The following ST18 variants were observed in gnomAD, a reference collection of about 807,000 sequenced individuals.
The protein encoded by ST18 is suppression of tumorigenicity 18 protein.
ST18 carries 50 observed loss-of-function variants against 110.0 expected under a neutral mutation model. The ratio of observed to expected loss-of-function variants is 0.45; its 90% confidence interval spans 0.36 to 0.58. ST18 has a LOEUF of 0.58. ST18 is among the 20% of genes least tolerant of loss of function. ST18 has a pLI of 0.00. For missense variants in ST18, 1,306 were observed against 1,280.1 expected (o/e 1.02, Z -0.31); for synonymous variants, 461 against 452.4 (o/e 1.02, Z -0.24).
At chr8:52,242,691 G>C (rs1189033072) in intron 2 of ST18, among the ~76,000 whole-genome samples, 5 of 152,068 alleles carry the variant, frequency 3.3e-5, no homozygotes, top group East Asian at 1.9e-4. Context: ...TAGAGGTTTA[G>C]TAGAAACCTC....
intron 2 of ST18, among the ~76,000 whole-genome samples, chr8:52,288,241 G>A (rs770310625): frequency 6.6e-6 from 1 of 152,184 alleles, no homozygotes; most frequent in East Asian, 1.9e-4. Flanking sequence ...GATGTGCTGG[G>A]TGGGAATGCT....
intron 2 of ST18, among the ~76,000 whole-genome samples, chr8:52,242,045 T>G (rs962733189): frequency 2.0e-5 from 3 of 152,232 alleles, no homozygotes; most frequent in Non-Finnish European, 1.5e-5. Flanking sequence ...AAGTGATTTT[T>G]GTCAACCCTC....
intron 2 of ST18, among the ~76,000 whole-genome samples, chr8:52,314,182 C>T (rs2095978999): frequency 6.6e-6 from 1 of 152,176 alleles, no homozygotes; most frequent in African/African-American, 2.4e-5. Flanking sequence ...TTTTGTCTTT[C>T]CTTGGCCTTA....
At chr8:52,274,938 A>G (rs1374558358) in intron 2 of ST18, among the ~76,000 whole-genome samples, 1 of 152,192 alleles carries the variant, frequency 6.6e-6, no homozygotes, top group Non-Finnish European at 1.5e-5. Context: ...TGTGGGAAAT[A>G]TACAGAACAT....
chr8:52,286,118 T>A (rs2095468169), intron 2 of ST18, among the ~76,000 whole-genome samples: 1 of 152,240 alleles, frequency 6.6e-6, no homozygotes, highest in Non-Finnish European at 1.5e-5. Context: ...TTTGGCTGCC[T>A]AGAATAATTA....
At chr8:52,351,016 G>C (rs1820088025) in intron 2 of ST18, among the ~76,000 whole-genome samples, 1 of 152,016 alleles carries the variant, frequency 6.6e-6, no homozygotes. Flanking sequence ...CACCGTGCCT[G>C]GCCGTCTTTT....
At chr8:52,259,682 G>T (rs16917573) in intron 2 of ST18, among the ~76,000 whole-genome samples, 2,659 of 152,196 alleles carry the variant, frequency 0.017, 68 homozygotes, top group African/African-American at 0.061. Flanking sequence ...TGCTTTTCAT[G>T]GGTTAATTAG....
chr8:52,330,717 G>C (rs924529413), intron 2 of ST18, among the ~76,000 whole-genome samples: 2 of 152,230 alleles, frequency 1.3e-5, no homozygotes, highest in Non-Finnish European at 2.9e-5. Flanking sequence ...AGGTGATGGC[G>C]TGGGCAGGAA....
chr8:52,336,459 G>A (rs1812127516), intron 2 of ST18, among the ~76,000 whole-genome samples: 1 of 152,084 alleles, frequency 6.6e-6, no homozygotes, highest in Non-Finnish European at 1.5e-5. Context: ...CTGCTTCTTG[G>A]ATTATTTAGG....
chr8:52,402,888 A>C (rs1843223678), intron 2 of ST18, among the ~76,000 whole-genome samples: 1 of 152,146 alleles, frequency 6.6e-6, no homozygotes, highest in African/African-American at 2.4e-5. Flanking sequence ...CCAGTATACC[A>C]CATCAGCTCA....
At chr8:52,300,662 T>C (rs186359717) in intron 2 of ST18, among the ~76,000 whole-genome samples, 147 of 152,354 alleles carry the variant, frequency 9.6e-4, no homozygotes, top group Non-Finnish European at 1.8e-3. Context: ...GAAAATTATA[T>C]GAAATTTACA....
chr8:52,312,802 GCCA>G (rs2095945614), intron 2 of ST18, among the ~76,000 whole-genome samples: 1 of 152,144 alleles, frequency 6.6e-6, no homozygotes, highest in Admixed American at 6.5e-5. Flanking sequence ...TGCTGCCTTG[GCCA>G]CCTGAGCTAT....
intron 2 of ST18, among the ~76,000 whole-genome samples, chr8:52,260,038 A>G (rs1465995891): frequency 2.0e-5 from 3 of 152,216 alleles, no homozygotes; most frequent in Non-Finnish European, 2.9e-5. Context: ...AATTGATGTC[A>G]TCAGTAAGAA....
intron 2 of ST18, chr8:52,404,813 C>T (rs1219390126): frequency 6.6e-6 from 1 of 152,166 alleles, no homozygotes; most frequent in East Asian, 1.9e-4. Flanking sequence ...TACTGTTTTT[C>T]TATAAGATAA....
chr8:52,360,750 C>G (rs1288966428), intron 2 of ST18, among the ~76,000 whole-genome samples: 1 of 152,150 alleles, frequency 6.6e-6, no homozygotes, highest in East Asian at 1.9e-4. Flanking sequence ...TTCAATTTCA[C>G]TTAAGCTGAG....
In ST18 at chr8:52,180,125, C is replaced by A. The variant is rs140681407; in HGVS notation, c.274G>T (p.Ala92Ser). The A allele has an allele frequency of 2.5e-6, 4 of 1,613,916 alleles. No homozygotes were observed. The highest frequency in any genetic ancestry group is 1.7e-6 in the Non-Finnish European group (2 of 1,179,974). Residue 92 changes from alanine (A) to serine (S), a missense_variant, in exon 9 of 26, where the codon GCA (alanine) becomes TCA (serine). Transcript: ENST00000689386. ...GPLETHGHST[A>S]EEIMIKPMDE... is the part of the protein sequence containing the mutation. Reference sequence around the variant, plus strand: ...TTTGGGCTCTCCTCCTTGCTACCTGCGGTAGAGTGACCATGTGTTTCCAAG... The same window carrying A: ...TTTGGGCTCTCCTCCTTGCTACCTGAGGTAGAGTGACCATGTGTTTCCAAG...
At chr8:52,306,110 T>C (rs551717061) in intron 2 of ST18, among the ~76,000 whole-genome samples, 1 of 152,308 alleles carries the variant, frequency 6.6e-6, no homozygotes, top group South Asian at 2.1e-4. Flanking sequence ...GGCTGACTGT[T>C]CCCTAGGCTA....
chr8:52,208,801 CAGTG>C (rs2081091092), intron 8 of ST18, among the ~76,000 whole-genome samples: 2 of 151,864 alleles, frequency 1.3e-5, no homozygotes, highest in Non-Finnish European at 2.9e-5. Context: ...CTGGGCGACA[CAGTG>C]AGGCTTCGCC....
intron 2 of ST18, among the ~76,000 whole-genome samples, chr8:52,235,094 G>C (rs2092412775): frequency 2.0e-5 from 3 of 151,602 alleles, no homozygotes; most frequent in Admixed American, 6.6e-5. Context: ...AATACCACCT[G>C]TTCCCCAAAA....
Sources: allele counts gnomAD v4.1 joint callset (sites outside exome capture counted in the v4.1 genomes callset), GRCh38; gene constraint gnomAD v4.1.1; transcripts MANE v1.5; gene names NCBI Gene and HGNC (gene_info 2026-07-23, HGNC 2026-07-21).